RBFOX1: variants seen among roughly 807,000 people sequenced by gnomAD.
RBFOX1 encodes RNA binding protein fox-1 homolog 1.
In RBFOX1, 8 loss-of-function variants were observed where a neutral mutation model predicts 57.7. The ratio of observed to expected loss-of-function variants is 0.14; its 90% CI spans 0.08 to 0.25. The LOEUF is 0.25. Ranked by LOEUF, RBFOX1 falls within the 10% of genes least tolerant of loss-of-function variation. The pLI is 1.00. For synonymous variants in RBFOX1, 326 were observed against 222.4 expected (o/e 1.47, Z -4.15); for missense variants, 611 against 548.5 (o/e 1.11, Z -1.14).
chr16:6,072,802 A>G (rs1385869523), intron 1 of RBFOX1, among the ~76,000 whole-genome samples: 1 of 152,012 alleles, frequency 6.6e-6, no homozygotes, highest in African/African-American at 2.4e-5. Flanking sequence ...CTCATAGTAA[A>G]TGTTCTTAAA....
At chr16:6,811,812 C>T (rs979630639) in intron 3 of RBFOX1, among the ~76,000 whole-genome samples, 1 of 152,138 alleles carries the variant, frequency 6.6e-6, no homozygotes. Context: ...TCGCTTGAAC[C>T]TGGGAGGCAG....
At chr16:7,366,752 G>T (rs564046899) in intron 4 of RBFOX1, among the ~76,000 whole-genome samples, 1 of 152,044 alleles carries the variant, frequency 6.6e-6, no homozygotes, top group South Asian at 2.1e-4. Flanking sequence ...AGCCGTTCAA[G>T]AGTAAGCAGA....
intron 1 of RBFOX1, among the ~76,000 whole-genome samples, chr16:6,143,255 CA>C (rs1472099451): frequency 6.6e-6 from 1 of 152,140 alleles, no homozygotes; most frequent in Non-Finnish European, 1.5e-5. Flanking sequence ...TCTATGGAAA[CA>C]GAGTTGAGAG....
intron 3 of RBFOX1, among the ~76,000 whole-genome samples, chr16:6,825,161 G>T (rs966155055): frequency 6.6e-6 from 1 of 150,664 alleles, no homozygotes; most frequent in Non-Finnish European, 1.5e-5. Flanking sequence ...CACCCTTGGC[G>T]TTGCTGGTCA....
chr16:5,527,981 A>T (rs967300141), intron 2 of RBFOX1, among the ~76,000 whole-genome samples: 6 of 152,182 alleles, frequency 3.9e-5, no homozygotes, highest in African/African-American at 9.6e-5. Context: ...AGGATGTTTA[A>T]ACAGCCCCTC....
chr16:6,020,701 G>T (rs186819392), intron 1 of RBFOX1, among the ~76,000 whole-genome samples: 107 of 110,158 alleles, frequency 9.7e-4, no homozygotes, highest in African/African-American at 3.8e-3. Flanking sequence ...TGCAGGCCAG[G>T]GGGGGGCTTG....
intron 1 of RBFOX1, among the ~76,000 whole-genome samples, chr16:6,144,483 G>A (rs1443902923): frequency 6.6e-6 from 1 of 152,136 alleles, no homozygotes; most frequent in African/African-American, 2.4e-5. Context: ...GCTATAAGTG[G>A]CTTCTAATTT....
chr16:5,948,700 C>T (rs185747203), intron 4 of RBFOX1, among the ~76,000 whole-genome samples: 5 of 152,240 alleles, frequency 3.3e-5, no homozygotes, highest in African/African-American at 4.8e-5. Context: ...CCTGATGTTC[C>T]CTCAGAGCCG....
chr16:7,072,041 A>G (rs114037247), intron 4 of RBFOX1, among the ~76,000 whole-genome samples: 2 of 152,178 alleles, frequency 1.3e-5, no homozygotes, highest in African/African-American at 4.8e-5. Flanking sequence ...CGATTTCTAA[A>G]CTAGATTATT....
chr16:6,985,074 C>T lies in RBFOX1; in HGVS notation c.-15-66983C>T, dbSNP rs13335477. Among the ~76,000 whole-genome samples, 582 of 136,252 alleles carry T rather than the reference C, an allele frequency of 4.3e-3. 8 individuals are homozygous for T. Among genetic ancestry groups the T allele is most frequent in the African/African-American group, 0.015 (557 of 36,830 alleles). The allele number at this position is 136,252 out of a possible 152,430, so 89.4% of individuals were successfully genotyped here. ...GTTAGTTCCTCTGGATTTCATTTCT[C>T]AAGATTCTGGAATTTCCTCTCCCCT... On this transcript the variant is annotated intron_variant, in intron 3 of 15. Coordinates refer to ENST00000550418, the MANE Select transcript of RBFOX1 (RefSeq NM_018723.4).
chr16:6,609,176 C>G (rs760322076), intron 2 of RBFOX1, among the ~76,000 whole-genome samples: 1 of 152,166 alleles, frequency 6.6e-6, no homozygotes, highest in Non-Finnish European at 1.5e-5. Flanking sequence ...CCAGGACAGA[C>G]ATGGACATCT....
chr16:6,854,699 G>A lies in RBFOX1; in HGVS notation c.-15-197358G>A, dbSNP rs553820094. Among the ~76,000 whole-genome samples the A allele has an allele frequency of 2.7e-5, 4 of 146,142 alleles. No individual in the cohort carries two copies. The Admixed American group carries it at 2.8e-4, about 10-fold the overall frequency. ...AAGCTCCGCCTCCTGGGTTCAAGTC[G>A]TTCTCCTGCGTCAGCCTCCCGAGTA... On this transcript the variant is annotated intron_variant, in intron 3 of 15. Coordinates refer to ENST00000550418, the MANE Select transcript of RBFOX1 (RefSeq NM_018723.4).
At chr16:6,422,621 G>T (rs531636502) in intron 2 of RBFOX1, among the ~76,000 whole-genome samples, 5 of 152,274 alleles carry the variant, frequency 3.3e-5, no homozygotes, top group African/African-American at 1.2e-4. Context: ...GAAGACAAAG[G>T]CGGAGTAAGG....
At chr16:6,659,787 G>T in intron 3 of RBFOX1, among the ~76,000 whole-genome samples, 1 of 152,096 alleles carries the variant, frequency 6.6e-6, no homozygotes, top group East Asian at 1.9e-4. Flanking sequence ...GCACCCAACA[G>T]TGGGGTGGTC....
intron 2 of RBFOX1, among the ~76,000 whole-genome samples, chr16:5,544,845 A>G (rs1370614857): frequency 1.3e-5 from 2 of 152,152 alleles, no homozygotes; most frequent in African/African-American, 4.8e-5. Flanking sequence ...TAATTTAAGA[A>G]CTAGGTAACC....
chr16:6,975,811 T>C (rs1013972887), intron 3 of RBFOX1, among the ~76,000 whole-genome samples: 1 of 152,040 alleles, frequency 6.6e-6, no homozygotes, highest in African/African-American at 2.4e-5. Flanking sequence ...ATAAAGATAA[T>C]GGTAATGGTA....
At chr16:7,120,285 A>G (rs976081063) in intron 4 of RBFOX1, among the ~76,000 whole-genome samples, 3 of 152,058 alleles carry the variant, frequency 2.0e-5, no homozygotes, top group Non-Finnish European at 1.5e-5. Flanking sequence ...GACTATTAAA[A>G]AAAGCAAATC....
At chr16:6,267,701 G>T (rs1223548296) in intron 1 of RBFOX1, among the ~76,000 whole-genome samples, 2 of 152,094 alleles carry the variant, frequency 1.3e-5, no homozygotes, top group Non-Finnish European at 1.5e-5. Flanking sequence ...CAAAACTTCT[G>T]TTTTTTTCCC....
intron 4 of RBFOX1, among the ~76,000 whole-genome samples, chr16:7,408,504 C>T (rs1030403053): frequency 3.9e-5 from 6 of 152,174 alleles, no homozygotes; most frequent in Non-Finnish European, 5.9e-5. Flanking sequence ...TGAGAAGTAG[C>T]TAATTCCCGA....
Sources: allele counts gnomAD v4.1 joint callset (sites outside exome capture counted in the v4.1 genomes callset), GRCh38; gene constraint gnomAD v4.1.1; transcripts MANE v1.5; gene names NCBI Gene and HGNC (gene_info 2026-07-23, HGNC 2026-07-21).